MAEA: variants seen among roughly 807,000 people sequenced by gnomAD.
The protein encoded by MAEA is E3 ubiquitin-protein transferase MAEA.
A neutral mutation model predicts 46.2 loss-of-function variants in MAEA; 22 were observed. The ratio of observed to expected loss-of-function variants is 0.48; its 90% CI spans 0.34 to 0.68. MAEA has a LOEUF of 0.68. Ranked by LOEUF, MAEA falls within the 30% of genes least tolerant of loss-of-function variation. The pLI is 0.01. For synonymous variants in MAEA, 246 were observed against 222.6 expected, an observed-to-expected ratio of 1.11 and a Z score of -0.94; for missense variants, 393 against 558.1, an observed-to-expected ratio of 0.70 and a Z score of 2.98.
At chr4:1,337,939 C>T in intron 7 of MAEA, 2 of 172,904 alleles carry the variant, frequency 1.2e-5, no homozygotes, top group South Asian at 2.1e-4. Context: ...TGCCTCAGGC[C>T]CAGAGGGCAG....
intron 2 of MAEA, among the ~76,000 whole-genome samples, chr4:1,313,938 G>A (rs541841796): frequency 4.6e-5 from 7 of 152,272 alleles, no homozygotes; most frequent in African/African-American, 1.7e-4. Flanking sequence ...GGAGGCTGAG[G>A]CAGGAGAATC....
Position 1,338,271 on chromosome 4 carries a change from C to T in MAEA, c.900-151C>T, listed in dbSNP as rs371269257. ...GGCTGTTTAGCTGTCGAGTGCAGCA[C>T]TTCCTGTGCCTCGAAAGACAGCCCC... On this transcript the variant is annotated intron_variant, in intron 7 of 8. Transcript: ENST00000303400. The T allele has an allele frequency of 3.7e-5, 22 of 598,808 alleles. No individual in the cohort carries two copies. The African/African-American group carries it at 4.1e-4, about 11-fold the overall frequency. 37.1% of individuals were successfully genotyped at this position (598,808 alleles called of 1,614,324 possible).
chr4:1,334,524 G>C (rs548002370), intron 6 of MAEA, among the ~76,000 whole-genome samples: 5 of 152,346 alleles, frequency 3.3e-5, no homozygotes, highest in African/African-American at 1.2e-4. Context: ...CTCTGGAGAG[G>C]ATTTTGTTAG....
chr4:1,290,666 C>G (rs1161692498), intron 1 of MAEA, among the ~76,000 whole-genome samples: 1 of 152,358 alleles, frequency 6.6e-6, no homozygotes, highest in African/African-American at 2.4e-5. Flanking sequence ...AAGGTCATAG[C>G]TTTCCTAGAG....
At chr4:1,323,917 G>A (rs796528628) in intron 4 of MAEA, among the ~76,000 whole-genome samples, 1 of 152,176 alleles carries the variant, frequency 6.6e-6, no homozygotes, top group African/African-American at 2.4e-5. Flanking sequence ...GGATGAAGTT[G>A]AGATTGGATG....
chr4:1,338,097 C>A, intron 7 of MAEA: 1 of 303,486 alleles, frequency 3.3e-6, no homozygotes, highest in Non-Finnish European at 6.2e-6. Context: ...AGCAGAACGT[C>A]CCTGCTGGGT....
intron 4 of MAEA, among the ~76,000 whole-genome samples, chr4:1,326,645 A>T (rs948557795): frequency 7.4e-6 from 1 of 135,816 alleles, no homozygotes; most frequent in Non-Finnish European, 1.5e-5. Context: ...TGCCTCAGGC[A>T]TAGTGCCTTC....
chr4:1,320,536 G>C (rs1560364722), intron 3 of MAEA, among the ~76,000 whole-genome samples: 1 of 142,884 alleles, frequency 7.0e-6, no homozygotes, highest in African/African-American at 2.7e-5. Context: ...CTTCAGAAAA[G>C]AAATCATCAA....
chr4:1,317,338 G>A (rs1274290262), intron 3 of MAEA, among the ~76,000 whole-genome samples: 1 of 114,846 alleles, frequency 8.7e-6, no homozygotes, highest in African/African-American at 3.8e-5. Flanking sequence ...CCCACACTCT[G>A]GACTCATCTG....
At chr4:1,296,913 G>T (rs1184120305) in intron 1 of MAEA, among the ~76,000 whole-genome samples, 9 of 152,048 alleles carry the variant, frequency 5.9e-5, no homozygotes, top group Non-Finnish European at 1.3e-4. Flanking sequence ...AGTCTTGGAG[G>T]CCTTTTGTTT....
intron 1 of MAEA, chr4:1,309,924 C>T (rs901748796): frequency 4.7e-6 from 6 of 1,284,252 alleles, no homozygotes; most frequent in South Asian, 5.5e-5. Context: ...CCCGTTCCCG[C>T]GTAGAACTTG....
In MAEA at chr4:1,320,196, GAACA is replaced by G. The variant is rs1737867645; in HGVS notation, c.457-2181_457-2178del. Among the ~76,000 whole-genome samples, 3 of 89,760 alleles carry G rather than the reference GAACA, an allele frequency of 3.3e-5. No individual in the cohort carries two copies. The East Asian group carries it at 2.0e-3, about 60-fold the overall frequency. 58.9% of individuals were successfully genotyped at this position (89,760 alleles called of 152,430 possible). A position where few individuals can be genotyped will look rare whatever the true frequency, so the allele number is the denominator to read the frequency against. On this transcript the variant is annotated intron_variant, in intron 3 of 8. Coordinates refer to ENST00000303400, the MANE Select transcript of MAEA (RefSeq NM_001017405.3). ...TATGAAGGGGCTTCAGAAATCATCA[GAACA>G]AACGTGCAAGAAAACACTATGAAGG...
intron 3 of MAEA, among the ~76,000 whole-genome samples, chr4:1,319,563 T>C (rs1737746297): frequency 6.7e-6 from 1 of 149,534 alleles, no homozygotes; most frequent in East Asian, 2.0e-4. Context: ...TGACGGGACA[T>C]GAGGCAGGAT....
Position 1,329,142 on chromosome 4 carries a change from C to T in MAEA, c.656+1439C>T, listed in dbSNP as rs566658271. 101 of 985,740 alleles carry T rather than the reference C, an allele frequency of 1.0e-4. 1 individual carries two copies. The South Asian group carries it at 3.9e-3, about 38-fold the overall frequency. The allele number at this position is 985,740 out of a possible 1,614,324, so 61.1% of individuals were successfully genotyped here. A position where few individuals can be genotyped will look rare whatever the true frequency, so the allele number is the denominator to read the frequency against. On this transcript the variant is annotated intron_variant, in intron 5 of 8. Transcript: ENST00000303400. ...AAACGTGTCCATCCCGGAGTCCCTC[C>T]GTCACAGATGTCTTCATCTAGGTGG...
intron 4 of MAEA, among the ~76,000 whole-genome samples, chr4:1,325,836 G>A (rs1577213684): frequency 6.6e-6 from 1 of 152,178 alleles, no homozygotes; most frequent in East Asian, 1.9e-4. Context: ...CGGCTGATTT[G>A]TACCAAGCCT....
At chr4:1,296,724 C>A (rs953251445) in intron 1 of MAEA, among the ~76,000 whole-genome samples, 1 of 151,838 alleles carries the variant, frequency 6.6e-6, no homozygotes, top group Non-Finnish European at 1.5e-5. Context: ...CAGATTTTTG[C>A]CCCCCAACAC....
rs527932794 is a variant in MAEA at position 1,293,557 on chromosome 4, C to T, written c.69+3575C>T. ...ACATGGGTGTCTGCACAGCCCAGGG[C>T]GGGAAGTGGTGTTCATCACCTGGAG... On this transcript the variant is annotated intron_variant, in intron 1 of 8. Coordinates refer to ENST00000303400, the MANE Select transcript of MAEA (RefSeq NM_001017405.3). Among the ~76,000 whole-genome samples the T allele has an allele frequency of 2.0e-3, 298 of 152,320 alleles. 2 individuals are homozygous for T. The highest frequency in any genetic ancestry group is 3.1e-3 in the Non-Finnish European group (213 of 68,020).
intron 7 of MAEA, 186 bp downstream of exon 7, chr4:1,337,180 C>T (rs534436269): frequency 4.3e-5 from 28 of 650,948 alleles, no homozygotes; most frequent in Admixed American, 9.4e-5. Context: ...GCCTCGGATG[C>T]GTCGTGCAGC....
At chr4:1,315,726 G>A (rs1354125081) in intron 3 of MAEA, 126 bp downstream of exon 3, 23 of 568,868 alleles carry the variant, frequency 4.0e-5, no homozygotes, top group African/African-American at 2.0e-4. Flanking sequence ...CCCCACCCCC[G>A]TATGCTTGTG....
Sources: gnomAD v4.1 joint callset for allele counts (sites outside exome capture counted in the v4.1 genomes callset) on GRCh38, gnomAD v4.1.1 for gene constraint, MANE v1.5 for transcripts, NCBI Gene and HGNC (gene_info 2026-07-23, HGNC 2026-07-21) for gene names.